Variants in ATP10B observed in about 807,000 individuals in gnomAD.
ATP10B encodes phospholipid-transporting ATPase VB.
ATP10B carries 122 observed loss-of-function variants against 141.2 expected under a neutral mutation model. That is an observed-to-expected ratio of 0.86 (90% CI 0.75 to 1.00). ATP10B has a LOEUF of 1.00. ATP10B is among the 50% of genes least tolerant of loss of function. ATP10B has a pLI of 0.00. For missense variants in ATP10B, 1,876 were observed against 1,825.3 expected (o/e 1.03, Z -0.51); for synonymous variants, 685 against 692.0 (o/e 0.99, Z 0.16).
At chr5:160,809,781 A>C (rs1447900967) in intron 1 of ATP10B, among the ~76,000 whole-genome samples, 1 of 152,192 alleles carries the variant, frequency 6.6e-6, no homozygotes, top group East Asian at 1.9e-4. Flanking sequence ...TCTGTTCCTT[A>C]AACATAGAAC....
At chr5:160,851,548 T>A (rs1753815580) in intron 1 of ATP10B, among the ~76,000 whole-genome samples, 1 of 152,194 alleles carries the variant, frequency 6.6e-6, no homozygotes, top group African/African-American at 2.4e-5. Context: ...CATGTAATGA[T>A]CTCATTCTCT....
intron 6 of ATP10B, among the ~76,000 whole-genome samples, chr5:160,680,616 T>A (rs1763327376): frequency 6.6e-6 from 1 of 152,222 alleles, no homozygotes; most frequent in African/African-American, 2.4e-5. Flanking sequence ...GACATTGAGG[T>A]GGCTTCTCCA....
chr5:160,813,887 C>G (rs1773368818), intron 1 of ATP10B, among the ~76,000 whole-genome samples: 1 of 152,152 alleles, frequency 6.6e-6, no homozygotes, highest in African/African-American at 2.4e-5. Flanking sequence ...TGGAGTGGAC[C>G]TCCAGCAAAC....
At chr5:160,848,221 A>G (rs2127991392) in intron 1 of ATP10B, among the ~76,000 whole-genome samples, 1 of 152,326 alleles carries the variant, frequency 6.6e-6, no homozygotes, top group African/African-American at 2.4e-5. Context: ...GCTATTGAGA[A>G]GGCCACACAG....
intron 1 of ATP10B, among the ~76,000 whole-genome samples, chr5:160,816,015 G>C (rs982252720): frequency 1.3e-5 from 2 of 151,830 alleles, no homozygotes; most frequent in African/African-American, 4.8e-5. Context: ...TTAAAGCAGT[G>C]TGTAGAGGGA....
intron 6 of ATP10B, among the ~76,000 whole-genome samples, chr5:160,674,814 A>G (rs1464198974): frequency 6.6e-6 from 1 of 152,172 alleles, no homozygotes; most frequent in Non-Finnish European, 1.5e-5. Flanking sequence ...TTTGGCCAGT[A>G]CAAAATTTGA....
intron 7 of ATP10B, among the ~76,000 whole-genome samples, chr5:160,656,642 T>C (rs1457103901): frequency 1.3e-5 from 2 of 152,040 alleles, no homozygotes; most frequent in African/African-American, 2.4e-5. Context: ...GGTTTTAATA[T>C]ATATTCTTAA....
chr5:160,732,241 C>T (rs182610992), intron 2 of ATP10B, among the ~76,000 whole-genome samples: 1 of 152,272 alleles, frequency 6.6e-6, no homozygotes, highest in Admixed American at 6.5e-5. Flanking sequence ...TTTAAAAATT[C>T]ACTGGACAGA....
At chr5:160,705,705 A>G (rs914404302) in intron 3 of ATP10B, among the ~76,000 whole-genome samples, 1 of 152,176 alleles carries the variant, frequency 6.6e-6, no homozygotes, top group African/African-American at 2.4e-5. Flanking sequence ...AACTTTCTTC[A>G]TATCAGCAAT....
intron 18 of ATP10B, among the ~76,000 whole-genome samples, chr5:160,607,962 G>A (rs776917341): frequency 7.9e-5 from 12 of 152,132 alleles, no homozygotes; most frequent in Non-Finnish European, 1.6e-4. Flanking sequence ...AAGTTCTAGG[G>A]TACATGTGCA....
At chr5:160,804,144 G>C (rs1177546101) in intron 1 of ATP10B, among the ~76,000 whole-genome samples, 6 of 152,108 alleles carry the variant, frequency 3.9e-5, no homozygotes, top group Non-Finnish European at 7.4e-5. Flanking sequence ...TGGCCAAATA[G>C]CTACTTCTAT....
the ATP10B span, among the ~76,000 whole-genome samples, chr5:160,919,791 G>A: frequency 5.6e-4 from 85 of 152,232 alleles, no homozygotes; most frequent in African/African-American, 1.9e-3. Context: ...CAGCCATCTC[G>A]GGTCGCTAAC....
intron 25 of ATP10B, among the ~76,000 whole-genome samples, chr5:160,567,005 G>T (rs891812489): frequency 3.9e-5 from 6 of 152,172 alleles, no homozygotes; most frequent in African/African-American, 1.4e-4. Flanking sequence ...CATGGAACCA[G>T]ATAAACTTTT....
At chr5:160,887,154 C>T in the ATP10B span, among the ~76,000 whole-genome samples, 1 of 152,180 alleles carries the variant, frequency 6.6e-6, no homozygotes, top group Admixed American at 6.5e-5. Flanking sequence ...CCTCCAGTAT[C>T]TGTGGAGGAT....
rs1309703169 is a variant in ATP10B at position 160,563,773 on chromosome 5, T to C, written c.*1680A>G. 1 of 152,134 alleles carries C rather than the reference T, an allele frequency of 6.6e-6. No individual in the cohort carries two copies. The highest frequency in any genetic ancestry group is 1.5e-5 in the Non-Finnish European group (1 of 68,008). 9.4% of individuals were successfully genotyped at this position (152,134 alleles called of 1,614,324 possible). ...CCAGAAATTGGGGGAAAAATTGAGG[T>C]ACCTGAGATCCAAGTTTTGACTCAA... On this transcript the variant is annotated 3_prime_UTR_variant, in exon 26 of 26. Coordinates refer to ENST00000327245, the MANE Select transcript of ATP10B (RefSeq NM_025153.3).
At chr5:160,820,141 A>G (rs1773988550) in intron 1 of ATP10B, among the ~76,000 whole-genome samples, 1 of 131,340 alleles carries the variant, frequency 7.6e-6, no homozygotes, top group African/African-American at 2.5e-5. Flanking sequence ...TAGTGAGATT[A>G]ATGAAAAAAA....
chr5:160,842,444 AC>A, intron 1 of ATP10B, among the ~76,000 whole-genome samples: 1 of 152,242 alleles, frequency 6.6e-6, no homozygotes, highest in South Asian at 2.1e-4. Context: ...AGCGAATGGA[AC>A]CCAACAAATG....
intron 1 of ATP10B, among the ~76,000 whole-genome samples, 153 bp downstream of exon 1, chr5:160,851,788 T>A (rs1203698610): frequency 6.6e-6 from 1 of 152,212 alleles, no homozygotes; most frequent in Non-Finnish European, 1.5e-5. Flanking sequence ...AAAAGAAATG[T>A]GGATCTCGCA....
intron 3 of ATP10B, among the ~76,000 whole-genome samples, chr5:160,705,455 C>T (rs1764954363): frequency 6.6e-6 from 1 of 152,118 alleles, no homozygotes; most frequent in Admixed American, 6.5e-5. Flanking sequence ...TCTTGAACTC[C>T]TGGGCTAAAG....
Sources: gnomAD v4.1 joint callset for allele counts (sites outside exome capture counted in the v4.1 genomes callset) on GRCh38, gnomAD v4.1.1 for gene constraint, MANE v1.5 for transcripts, NCBI Gene and HGNC (gene_info 2026-07-23, HGNC 2026-07-21) for gene names.